The following LPO variants were observed in gnomAD, a reference collection of about 807,000 sequenced individuals.
LPO encodes the protein salivary peroxidase.
A neutral mutation model predicts 68.4 loss-of-function variants in LPO; 70 were observed. The observed-to-expected ratio is 1.02, with a 90% CI of 0.84 to 1.25. The LOEUF is 1.25. LPO is among the 50% of genes most tolerant of loss of function. The probability of loss-of-function intolerance (pLI) is 0.00; values close to 1 mark genes in which losing one functional copy is unlikely to be tolerated. For missense variants in LPO, 873 were observed against 908.4 expected (o/e 0.96, Z 0.50); for synonymous variants, 360 against 357.6 (o/e 1.01, Z -0.08).
chr17:58,258,441 G>A (rs985160246), intron 9 of LPO, among the ~76,000 whole-genome samples: 1 of 152,082 alleles, frequency 6.6e-6, no homozygotes, highest in Non-Finnish European at 1.5e-5. Flanking sequence ...TGTTGAAAAC[G>A]AGTTAACTGT....
chr17:58,249,865 G>C (rs903643178), intron 6 of LPO, among the ~76,000 whole-genome samples, 170 bp downstream of exon 6: 1 of 152,208 alleles, frequency 6.6e-6, no homozygotes, highest in Non-Finnish European at 1.5e-5. Context: ...CTCGGAGCCC[G>C]GAGCCCGGCC....
intron 9 of LPO, among the ~76,000 whole-genome samples, chr17:58,261,528 T>C (rs1970175567): frequency 6.6e-6 from 1 of 151,914 alleles, no homozygotes. Context: ...TTAGACATCA[T>C]ATAGTTGGGT....
chr17:58,252,503 G>A lies in LPO; in HGVS notation c.1102G>A (p.Ala368Thr). 6.2e-7 allele frequency: 1 copy of A among 1,610,372 alleles called. No homozygotes were observed. Among genetic ancestry groups the A allele is most frequent in the South Asian group, 1.1e-5 (1 of 91,036 alleles). ...NTTARVPCFL[A>T]GDSRASEHIL... The stretch of plus-strand genomic sequence containing the variant: ...CACTGCCCGTGTGCCCTGCTTCCTG[G>A]CAGGTGAGTCTAGCCTGGGAACAGA... The change falls in exon 8 of 13, where the codon GCA becomes ACA. Residue 368 changes from alanine to threonine, a missense_variant. Coordinates refer to ENST00000262290, the MANE Select transcript of LPO (RefSeq NM_006151.3).
At position 58,249,157 on chromosome 17, in the gene LPO, T is replaced by C; in HGVS notation, c.423T>C (p.Ile141=). ...ACCCGTGCAGCCCTTACCGCACCAT[T>C]ACGGGAGACTGCAATAACAGGTGGC... The part of the protein sequence containing the change: ...RCDPCSPYRT[I]TGDCNNRRKP... Residue 141 remains isoleucine (I), a synonymous_variant, in exon 5 of 13, where the codon ATT becomes ATC. Transcript: ENST00000262290. 1 of 1,614,112 alleles carries C rather than the reference T, an allele frequency of 6.2e-7. No homozygotes were observed.
At chr17:58,246,300 T>TA (rs1180792022) in intron 3 of LPO, among the ~76,000 whole-genome samples, 1 of 152,098 alleles carries the variant, frequency 6.6e-6, no homozygotes, top group Non-Finnish European at 1.5e-5. Flanking sequence ...GGTAAGCCAT[T>TA]AGAACATTTG....
At chr17:58,258,903 A>G (rs1218545409) in intron 9 of LPO, among the ~76,000 whole-genome samples, 1 of 152,114 alleles carries the variant, frequency 6.6e-6, no homozygotes, top group Non-Finnish European at 1.5e-5. Flanking sequence ...TATTTTGCCT[A>G]TTTTCAAATT....
intron 10 of LPO, 111 bp downstream of exon 10, chr17:58,265,085 A>G: frequency 1.0e-5 from 14 of 1,386,978 alleles, no homozygotes; most frequent in Non-Finnish European, 1.3e-5. Context: ...ACCTTGGGCA[A>G]ATGAATTCAC....
rs1227706430 is a variant in LPO, at chr17:58,249,575, T to C, written c.453T>C (p.Pro151=). The change falls in exon 6 of 13, where the codon CCT becomes CCC. Residue 151 remains proline (P), a synonymous_variant. Transcript: ENST00000262290. ...ATCGTGCTGGTTTCAGGAGGAAGCC[T>C]GCGCTGGGCGCCGCCAACAGGGCTC... ...ITGDCNNRRK[P]ALGAANRALA... 6.2e-7 allele frequency: 1 copy of C among 1,603,956 alleles called. No homozygotes were observed. The highest frequency in any genetic ancestry group is 1.7e-5 in the Admixed American group (1 of 59,884).
chr17:58,259,821 A>ATTTTG (rs890728290), intron 9 of LPO, among the ~76,000 whole-genome samples: 1 of 151,968 alleles, frequency 6.6e-6, no homozygotes, highest in Non-Finnish European at 1.5e-5. Flanking sequence ...TTTAATTTTC[A>ATTTTG]TTTTGTTTTG....
In LPO at chr17:58,242,966, A is replaced by G. The variant is rs747249921; in HGVS notation, c.-2-12A>G. 9 of 1,613,328 alleles carry G rather than the reference A, an allele frequency of 5.6e-6. No homozygotes were observed. The highest frequency in any genetic ancestry group is 5.0e-5 in the Admixed American group (3 of 60,018). On this transcript the variant is annotated splice_polypyrimidine_tract_variant and intron_variant, in intron 1 of 12. Coordinates refer to ENST00000262290, the MANE Select transcript of LPO (RefSeq NM_006151.3). ...AGAGAGGCTCACAGTGTGATCCTGCATCTCGTTTCAGTGATGAGGGTCCTT... is the reference window on the plus strand; with the variant it reads ...AGAGAGGCTCACAGTGTGATCCTGCGTCTCGTTTCAGTGATGAGGGTCCTT...
Position 58,249,114 on chromosome 17 carries a change from C to T in LPO, c.380C>T (p.Ala127Val). The change falls in exon 5 of 13, where the codon GCT (alanine) becomes GTT (valine). Residue 127 changes from alanine to valine, a missense_variant. Physicochemically the swap from Ala to Val is moderately conservative, Grantham distance 64 (BLOSUM62 0). Transcript: ENST00000262290. ...LSLEVGCGAP[A>V]PVVRCDPCSP... ...CTGGAGGTGGGCTGTGGTGCTCCTG[C>T]TCCCGTGGTGAGATGCGACCCGTGC... The T allele has an allele frequency of 6.2e-7, 1 of 1,614,204 alleles. No individual in the cohort carries two copies. Among genetic ancestry groups the T allele is most frequent in the Non-Finnish European group, 8.5e-7 (1 of 1,180,044 alleles).
Position 58,250,522 on chromosome 17 carries a change from C to T in LPO, c.681C>T (p.Asp227=). Residue 227 remains aspartate (D), a synonymous_variant, in exon 7 of 13, where the codon GAC becomes GAT. Coordinates refer to ENST00000262290, the MANE Select transcript of LPO (RefSeq NM_006151.3). ...AGTGGGGTCAGATTGTGGATCATGA[C>T]CTGGACTTTGCCCCTGACACCGAGC... ...FMQWGQIVDH[D]LDFAPDTELG... is the part of the protein sequence containing the mutation. 1 of 1,614,118 alleles carries T rather than the reference C, an allele frequency of 6.2e-7. No homozygotes were observed. The highest frequency in any genetic ancestry group is 8.5e-7 in the Non-Finnish European group (1 of 1,180,026).
chr17:58,258,261 G>A (rs559488293), intron 9 of LPO, among the ~76,000 whole-genome samples: 53 of 152,274 alleles, frequency 3.5e-4, no homozygotes, highest in Admixed American at 1.8e-3. Context: ...TCTTGCAGTA[G>A]TTTCACAGTT....
Position 58,254,924 on chromosome 17 carries a change from G to T in LPO, c.1219G>T (p.Glu407Ter). ...LKRLNPQWDG[E>*]KLYQEARKIL... ...GAGACTCAACCCTCAGTGGGATGGA[G>T]AGAAGCTCTACCAGGAAGCCCGGAA... Residue 407 changes from glutamate to a stop codon, truncating the protein, a stop_gained, in exon 9 of 13, where the codon GAG (glutamate) becomes TAG (stop). Coordinates refer to ENST00000262290, the MANE Select transcript of LPO (RefSeq NM_006151.3). LOFTEE classifies it high-confidence loss of function. 1 of 1,614,108 alleles carries T rather than the reference G, an allele frequency of 6.2e-7. No homozygotes were observed. The highest frequency in any genetic ancestry group is 1.1e-5 in the South Asian group (1 of 91,080).
chr17:58,251,098 G>A (rs1969951697), intron 7 of LPO: 1 of 165,528 alleles, frequency 6.0e-6, no homozygotes, highest in Non-Finnish European at 1.3e-5. Context: ...GGCCAACATG[G>A]TGAAACCCCG....
At chr17:58,259,826 GT>G (rs1337363391) in intron 9 of LPO, among the ~76,000 whole-genome samples, 3 of 152,046 alleles carry the variant, frequency 2.0e-5, no homozygotes, top group African/African-American at 7.2e-5. Flanking sequence ...TTTTCATTTT[GT>G]TTTGTTTTGT....
intron 2 of LPO, 171 bp downstream of exon 2, chr17:58,243,226 T>C: frequency 1.7e-6 from 1 of 601,660 alleles, no homozygotes; most frequent in East Asian, 2.9e-5. Context: ...GAATGCTTCC[T>C]TTCTTCTTCC....
intron 3 of LPO, among the ~76,000 whole-genome samples, chr17:58,245,093 G>A (rs1047598449): frequency 3.3e-5 from 5 of 152,182 alleles, no homozygotes; most frequent in Non-Finnish European, 4.4e-5. Context: ...GATAAAACAC[G>A]CTCTGGACGC....
Position 58,267,870 on chromosome 17 carries a change from A to C in LPO, c.2015A>C (p.Asp672Ala). Residue 672 changes from aspartate (D) to alanine (A), a missense_variant, in exon 13 of 13, where the codon GAC (aspartate) becomes GCC (alanine). Asp to Ala is a moderately radical substitution (Grantham distance 126, BLOSUM62 -2). Transcript: ENST00000262290. The stretch of plus-strand genomic sequence containing the variant: ...ATGTCCTTCTCACGCCTTGTCTGTG[A>C]CAACACCCGCATCACCAAGGTCCCA... ...QKMSFSRLVCDNTRITKVPRD... is the reference protein window; with the variant it reads ...QKMSFSRLVCANTRITKVPRD... 6.2e-7 allele frequency: 1 copy of C among 1,614,086 alleles called. No homozygotes were observed. Among genetic ancestry groups the C allele is most frequent in the South Asian group, 1.1e-5 (1 of 91,070 alleles).
Sources: gnomAD v4.1 joint callset for allele counts (sites outside exome capture counted in the v4.1 genomes callset) on GRCh38, gnomAD v4.1.1 for gene constraint, MANE v1.5 for transcripts, NCBI Gene and HGNC (gene_info 2026-07-23, HGNC 2026-07-21) for gene names.